BMPR1B: variants seen among roughly 807,000 people sequenced by gnomAD.
BMPR1B encodes the protein bone morphogenetic protein receptor type-1B.
BMPR1B carries 12 observed loss-of-function variants against 59.1 expected under a neutral mutation model. That is an observed-to-expected ratio of 0.20 (90% confidence interval 0.13 to 0.33). The LOEUF is 0.33. BMPR1B is among the 10% of genes least tolerant of loss of function. The pLI, the probability that BMPR1B is intolerant of heterozygous loss-of-function variation, is 1.00. For synonymous variants in BMPR1B, 237 were observed against 207.3 expected (o/e 1.14, Z -1.23); for missense variants, 550 against 610.9 (o/e 0.90, Z 1.05).
In BMPR1B at chr4:95,048,962, G is replaced by A. The variant is rs146874535; in HGVS notation, c.-18+52828G>A. Among the ~76,000 whole-genome samples the A allele has an allele frequency of 3.4e-3, 516 of 152,176 alleles. 2 individuals are homozygous for A. The highest frequency in any genetic ancestry group is 0.011 in the African/African-American group (471 of 41,510). ...AAATGGAGGAAATTAACAGGGATAC[G>A]TCTTGATTTTTTAAAATATTGCTAA... is the stretch of plus-strand genomic sequence containing the variant. On this transcript the variant is annotated intron_variant, in intron 3 of 12. Transcript: ENST00000515059.
chr4:94,908,636 A>G (rs966471661), intron 2 of BMPR1B, among the ~76,000 whole-genome samples: 1 of 151,842 alleles, frequency 6.6e-6, no homozygotes, highest in Non-Finnish European at 1.5e-5. Flanking sequence ...CAATCCTTTT[A>G]TTATAGAGAG....
Position 95,156,891 on chromosome 4 carries a change from A to G in BMPR1B, c.*2218A>G, listed in dbSNP as rs1305126541. On this transcript the variant is annotated 3_prime_UTR_variant, in exon 13 of 13. Transcript: ENST00000515059. ...TTCAGTGCCTCTAAACAGATCATCTACAAAACAACAGGTAAACATTTATGC... is the reference window on the plus strand; with the variant it reads ...TTCAGTGCCTCTAAACAGATCATCTGCAAAACAACAGGTAAACATTTATGC... The G allele has an allele frequency of 6.6e-6, 1 of 152,182 alleles. No homozygotes were observed. The highest frequency in any genetic ancestry group is 1.5e-5 in the Non-Finnish European group (1 of 68,010). 9.4% of individuals were successfully genotyped at this position (152,182 alleles called of 1,614,324 possible).
At position 95,039,688 on chromosome 4, in the gene BMPR1B, A is replaced by G. The variant is rs148980360; in HGVS notation, c.-18+43554A>G. 2.8e-4 allele frequency among the ~76,000 whole-genome samples: 42 copies of G among 152,334 alleles called. No homozygotes were observed. In the East Asian group the frequency reaches 6.8e-3, roughly 25 times the overall value. On this transcript the variant is annotated intron_variant, in intron 3 of 12. Coordinates refer to ENST00000515059, the MANE Select transcript of BMPR1B (RefSeq NM_001203.3). ...TTGTTGTCCAGCCCACAGCCTGTGC[A>G]CCACATGCAGCCCATGCTTGGCCAT... is the stretch of plus-strand genomic sequence containing the variant.
intron 1 of BMPR1B, among the ~76,000 whole-genome samples, chr4:94,844,896 G>T (rs942800812): frequency 2.6e-5 from 4 of 152,182 alleles, no homozygotes; most frequent in Admixed American, 2.0e-4. Context: ...GAATGTGACT[G>T]AGAAGATAAT....
chr4:94,934,533 T>A (rs996920345), intron 2 of BMPR1B, among the ~76,000 whole-genome samples: 32 of 148,732 alleles, frequency 2.2e-4, no homozygotes, highest in African/African-American at 8.0e-4. Flanking sequence ...CGTTAGAAAC[T>A]TGTTGCCGAA....
At chr4:94,806,360 T>A (rs1020419176) in intron 1 of BMPR1B, among the ~76,000 whole-genome samples, 6 of 152,238 alleles carry the variant, frequency 3.9e-5, no homozygotes, top group African/African-American at 1.4e-4. Context: ...TCACTTTAAC[T>A]GCCTCATTGT....
chr4:95,068,028 A>C (rs960688436), intron 3 of BMPR1B, among the ~76,000 whole-genome samples: 3 of 152,186 alleles, frequency 2.0e-5, no homozygotes, highest in Admixed American at 1.3e-4. Flanking sequence ...CTAAAAGAGC[A>C]TGGCACTGCT....
intron 4 of BMPR1B, 101 bp from the exon 5 acceptor site, chr4:95,114,619 C>T: frequency 6.1e-6 from 6 of 985,436 alleles, no homozygotes; most frequent in Non-Finnish European, 9.8e-6. Context: ...ACAAATGATA[C>T]ACATCACTTA....
At chr4:95,037,123 T>C (rs1291262346) in intron 3 of BMPR1B, among the ~76,000 whole-genome samples, 3 of 152,280 alleles carry the variant, frequency 2.0e-5, no homozygotes, top group Admixed American at 2.0e-4. Context: ...ACAGAAGCTA[T>C]GAAAGTGAGT....
intron 1 of BMPR1B, among the ~76,000 whole-genome samples, chr4:94,795,105 A>C (rs1331707180): frequency 7.0e-6 from 1 of 143,334 alleles, no homozygotes; most frequent in East Asian, 2.0e-4. Flanking sequence ...GCCAGTTTTC[A>C]AAGGGAATGC....
intron 2 of BMPR1B, among the ~76,000 whole-genome samples, chr4:94,993,518 G>A (rs974439818): frequency 1.3e-5 from 2 of 151,970 alleles, no homozygotes; most frequent in Non-Finnish European, 2.9e-5. Flanking sequence ...CCAGCACTTT[G>A]GGAGGCCGAG....
At chr4:95,146,166 T>G (rs538518524) in intron 10 of BMPR1B, among the ~76,000 whole-genome samples, 1 of 152,120 alleles carries the variant, frequency 6.6e-6, no homozygotes, top group Non-Finnish European at 1.5e-5. Context: ...GGGAGAAGAT[T>G]TATTCAGCTA....
At chr4:94,844,936 T>C (rs1213598827) in intron 1 of BMPR1B, among the ~76,000 whole-genome samples, 1 of 152,174 alleles carries the variant, frequency 6.6e-6, no homozygotes, top group Non-Finnish European at 1.5e-5. Context: ...GCCAAATATT[T>C]TCACCTGGGT....
chr4:94,777,452 A>C (rs925021623), intron 1 of BMPR1B, among the ~76,000 whole-genome samples: 1 of 152,230 alleles, frequency 6.6e-6, no homozygotes, highest in Non-Finnish European at 1.5e-5. Flanking sequence ...ATTATAAAAG[A>C]AATGCAAATT....
intron 1 of BMPR1B, among the ~76,000 whole-genome samples, chr4:94,762,888 G>A (rs867282417): frequency 3.3e-5 from 5 of 151,732 alleles, no homozygotes; most frequent in Admixed American, 3.3e-4. Flanking sequence ...CTGGGGGCTG[G>A]GGGTGTGCCA....
At chr4:95,154,400 A>C (rs1321525931) in intron 12 of BMPR1B, 148 bp from the exon 13 acceptor site, 1 of 1,117,940 alleles carries the variant, frequency 8.9e-7, no homozygotes, top group Non-Finnish European at 1.3e-6. Context: ...TTTGCATGAA[A>C]AAAGCTTACA....
intron 10 of BMPR1B, 113 bp downstream of exon 10, chr4:95,131,625 C>G (rs1451081233): frequency 5.5e-6 from 7 of 1,274,822 alleles, no homozygotes; most frequent in Non-Finnish European, 7.7e-6. Context: ...TTAATTTTGA[C>G]ATTTGACGGG....
At position 94,859,228 on chromosome 4, in the gene BMPR1B, A is replaced by C. The variant is rs1021115526; in HGVS notation, c.-182-16603A>C. On this transcript the variant is annotated intron_variant, in intron 1 of 12. Transcript: ENST00000515059. ...TGGGTAGTATTCACTGTAAGTTGTA[A>C]AGTGAAGTTGAAAGAAATGCACGTT... Among the ~76,000 whole-genome samples the C allele has an allele frequency of 8.5e-5, 13 of 152,174 alleles. No individual in the cohort carries two copies. The East Asian group carries it at 1.3e-3, about 16-fold the overall frequency.
At chr4:94,956,181 G>C (rs1316933232) in intron 2 of BMPR1B, among the ~76,000 whole-genome samples, 4 of 151,966 alleles carry the variant, frequency 2.6e-5, no homozygotes, top group African/African-American at 9.7e-5. Flanking sequence ...CGTATTTAAA[G>C]ACTTATTTTT....
Sources: allele counts gnomAD v4.1 joint callset (sites outside exome capture counted in the v4.1 genomes callset), GRCh38; gene constraint gnomAD v4.1.1; transcripts MANE v1.5; gene names NCBI Gene and HGNC (gene_info 2026-07-23, HGNC 2026-07-21).